The following STX3 variants were observed in gnomAD, a reference collection of about 807,000 sequenced individuals.
STX3 encodes the protein syntaxin 3, also known as syntaxin-3.
In STX3, 19 loss-of-function variants were observed where a neutral mutation model predicts 40.2. That is an observed-to-expected ratio of 0.47 (90% CI 0.33 to 0.69). The LOEUF is 0.69. STX3 is among the 30% of genes least tolerant of loss of function. The probability of loss-of-function intolerance (pLI) is 0.02; values close to 1 mark genes in which losing one functional copy is unlikely to be tolerated. For missense variants in STX3, 364 were observed against 366.7 expected (o/e 0.99, Z 0.06); for synonymous variants, 122 against 132.2 (o/e 0.92, Z 0.53).
Position 59,801,570 on chromosome 11 carries a change from G to C in STX3, c.*746G>C. ...GTATGGAATATGTTTCCATGTCTGA[G>C]TCTTAGAAACTGGCTGCTCATTGTT... On this transcript the variant is annotated 3_prime_UTR_variant, in exon 11 of 11. Coordinates refer to ENST00000337979, the MANE Select transcript of STX3 (RefSeq NM_004177.5). 1 of 985,452 alleles carries C rather than the reference G, an allele frequency of 1.0e-6. No homozygotes were observed. Among genetic ancestry groups the C allele is most frequent in the South Asian group, 4.7e-5 (1 of 21,288 alleles). The allele number at this position is 985,452 out of a possible 1,614,324, so 61.0% of individuals were successfully genotyped here.
chr11:59,774,129 C>T (rs1371787326), intron 2 of STX3, among the ~76,000 whole-genome samples: 1 of 151,972 alleles, frequency 6.6e-6, no homozygotes, highest in Non-Finnish European at 1.5e-5. Context: ...CTTAAAGGTC[C>T]TCAATGGGAT....
chr11:59,789,350 G>A (rs559975683), intron 4 of STX3: 38 of 162,622 alleles, frequency 2.3e-4, no homozygotes, highest in Middle Eastern at 6.0e-3. Context: ...CTGGGTTCAG[G>A]TGATTCTCCT....
rs112512362 is a variant in STX3 at position 59,778,831 on chromosome 11, CTTTTTT to C, written c.114+5551_114+5556del. The stretch of plus-strand genomic sequence containing the variant: ...AGGATGAAAGTTTTCTTTTCTTTTC[CTTTTTT>C]TTTTTTTTTTTTTGGGGATGAAGTT... On this transcript the variant is annotated intron_variant, in intron 2 of 10. Coordinates refer to ENST00000337979, the MANE Select transcript of STX3 (RefSeq NM_004177.5). Among the ~76,000 whole-genome samples the C allele has an allele frequency of 1.0e-4, 13 of 125,778 alleles. No homozygotes were observed. The South Asian group carries it at 2.8e-3, about 27-fold the overall frequency. The allele number at this position is 125,778 out of a possible 152,430, so 82.5% of individuals were successfully genotyped here. A position where few individuals can be genotyped will look rare whatever the true frequency, so the allele number is the denominator to read the frequency against.
chr11:59,796,831 C>A (rs951967569), intron 9 of STX3, among the ~76,000 whole-genome samples: 2 of 152,196 alleles, frequency 1.3e-5, no homozygotes, highest in Non-Finnish European at 2.9e-5. Context: ...CTGTCCTAGG[C>A]TGGGTGTGGT....
In STX3 at chr11:59,769,076, A is replaced by C. The variant is rs572324098; in HGVS notation, c.31-4135A>C. Among the ~76,000 whole-genome samples, 16 of 152,200 alleles carry C rather than the reference A, an allele frequency of 1.1e-4. No homozygotes were observed. In the South Asian group the frequency reaches 3.3e-3, roughly 32 times the overall value. Reference sequence around the variant, plus strand: ...TGTATTGGGAAACAGGGACACATACATTTCTTTATCCAATCATCCATTGAT... The same window carrying C: ...TGTATTGGGAAACAGGGACACATACCTTTCTTTATCCAATCATCCATTGAT... On this transcript the variant is annotated intron_variant, in intron 1 of 10. Coordinates refer to ENST00000337979, the MANE Select transcript of STX3 (RefSeq NM_004177.5).
chr11:59,755,545 G>A lies in STX3; in HGVS notation c.-61G>A. The A allele has an allele frequency of 1.9e-6, 3 of 1,564,474 alleles. No homozygotes were observed. Among genetic ancestry groups the A allele is most frequent in the South Asian group, 2.3e-5 (2 of 88,744 alleles). The stretch of plus-strand genomic sequence containing the variant: ...GCTTCCGGCAGCTCACCTGGGAAGC[G>A]CTCACCTGGGACGCGCTCACCTGGG... On this transcript the variant is annotated 5_prime_UTR_variant, in exon 1 of 11. Transcript: ENST00000337979.
Position 59,801,538 on chromosome 11 carries a change from G to A in STX3, c.*714G>A, listed in dbSNP as rs932161530. The A allele has an allele frequency of 5.1e-6, 5 of 985,324 alleles. No homozygotes were observed. The African/African-American group carries it at 7.0e-5, about 14-fold the overall frequency. The allele number at this position is 985,324 out of a possible 1,614,324, so 61.0% of individuals were successfully genotyped here. A position where few individuals can be genotyped will look rare whatever the true frequency, so the allele number is the denominator to read the frequency against. The stretch of plus-strand genomic sequence containing the variant: ...CATCTGAGGTTATGCTTTGCAAAAG[G>A]CTGACGGTATGGAATATGTTTCCAT... On this transcript the variant is annotated 3_prime_UTR_variant, in exon 11 of 11. Coordinates refer to ENST00000337979, the MANE Select transcript of STX3 (RefSeq NM_004177.5).
At chr11:59,794,290 A>T (rs778565692) in intron 8 of STX3, among the ~76,000 whole-genome samples, 1 of 152,210 alleles carries the variant, frequency 6.6e-6, no homozygotes, top group Non-Finnish European at 1.5e-5. Context: ...CTAGTTTCGC[A>T]TAGTTAGATG....
chr11:59,781,861 G>T, intron 2 of STX3: 3 of 799,818 alleles, frequency 3.8e-6, no homozygotes, highest in South Asian at 1.7e-5. Flanking sequence ...GAAAGTGAAG[G>T]TGTATAAATT....
At chr11:59,795,520 T>C (rs759520627) in intron 9 of STX3, 38 bp downstream of exon 9, 2 of 1,584,182 alleles carry the variant, frequency 1.3e-6, no homozygotes, top group South Asian at 2.3e-5. Flanking sequence ...AGAGAGTCCA[T>C]TTTGTTTGCT....
chr11:59,769,596 T>C (rs1452305281), intron 1 of STX3, among the ~76,000 whole-genome samples: 1 of 152,150 alleles, frequency 6.6e-6, no homozygotes, highest in African/African-American at 2.4e-5. Context: ...GCTGCCTGGC[T>C]ACATCTGCAC....
chr11:59,780,568 C>T (rs541695451), intron 2 of STX3, among the ~76,000 whole-genome samples: 2 of 152,336 alleles, frequency 1.3e-5, no homozygotes, highest in Admixed American at 1.3e-4. Flanking sequence ...CTCTCTACCT[C>T]AGACATGCCT....
chr11:59,786,960 C>T (rs907058204), intron 2 of STX3, 77 bp from the exon 3 acceptor site: 2 of 1,303,890 alleles, frequency 1.5e-6, no homozygotes, highest in African/African-American at 2.9e-5. Context: ...TCACCAGCAG[C>T]TCTGCCAAAC....
intron 4 of STX3, among the ~76,000 whole-genome samples, chr11:59,789,985 A>G (rs903504966): frequency 6.6e-6 from 1 of 152,226 alleles, no homozygotes; most frequent in African/African-American, 2.4e-5. Context: ...CATGCATGCT[A>G]TTGATCAGAA....
In STX3 at chr11:59,801,210, C is replaced by A; in HGVS notation, c.*386C>A. On this transcript the variant is annotated 3_prime_UTR_variant, in exon 11 of 11. Transcript: ENST00000337979. ...TTTTTCTACCTCATGGAGTATTCTC[C>A]CAGAAACTGCAATGTATTTTTTTAG... 1 of 1,118,774 alleles carries A rather than the reference C, an allele frequency of 8.9e-7. No homozygotes were observed. Among genetic ancestry groups the A allele is most frequent in the Non-Finnish European group, 1.1e-6 (1 of 913,822 alleles). The allele number at this position is 1,118,774 out of a possible 1,614,324, so 69.3% of individuals were successfully genotyped here.
rs769474579 is a variant in STX3 at position 59,787,032 on chromosome 11, T to C, written c.115-5T>C. ...TGATGAAGGTTATTGTCTTTCTGAT[T>C]ATAGATTGAGGAAACTCGGCTTAAC... On this transcript the variant is annotated splice_polypyrimidine_tract_variant and splice_region_variant and intron_variant, in intron 2 of 10. Transcript: ENST00000337979. 1 of 1,613,096 alleles carries C rather than the reference T, an allele frequency of 6.2e-7. No individual in the cohort carries two copies. The highest frequency in any genetic ancestry group is 1.1e-5 in the South Asian group (1 of 91,048).
chr11:59,784,757 T>C (rs1864643661), intron 2 of STX3, among the ~76,000 whole-genome samples: 1 of 152,122 alleles, frequency 6.6e-6, no homozygotes, highest in South Asian at 2.1e-4. Context: ...CATGATTCGA[T>C]TGTCTCCCAC....
At chr11:59,780,300 G>T (rs548661859) in intron 2 of STX3, among the ~76,000 whole-genome samples, 3 of 152,244 alleles carry the variant, frequency 2.0e-5, no homozygotes, top group Non-Finnish European at 4.4e-5. Flanking sequence ...AAAAAGAGAC[G>T]TGAGAAAGAT....
At chr11:59,771,648 G>C (rs1863654721) in intron 1 of STX3, among the ~76,000 whole-genome samples, 2 of 152,120 alleles carry the variant, frequency 1.3e-5, no homozygotes, top group Admixed American at 1.3e-4. Flanking sequence ...AGAACTCCCT[G>C]TGTGATAGAG....
Sources: allele counts gnomAD v4.1 joint callset (sites outside exome capture counted in the v4.1 genomes callset), GRCh38; gene constraint gnomAD v4.1.1; transcripts MANE v1.5; gene names NCBI Gene and HGNC (gene_info 2026-07-23, HGNC 2026-07-21).